The following SLC8A1 variants were observed in gnomAD, a reference collection of about 807,000 sequenced individuals.
SLC8A1 encodes sodium/calcium exchanger 1.
In SLC8A1, 18 loss-of-function variants were observed where a neutral mutation model predicts 68.3. That is an observed-to-expected ratio of 0.26 (90% CI 0.18 to 0.39). The LOEUF (loss-of-function observed/expected upper bound fraction) is 0.39, where lower values mean the gene tolerates loss of function less well. Among genes scored for constraint, SLC8A1 ranks in the 10% least tolerant of loss-of-function variants. The pLI, the probability that SLC8A1 is intolerant of heterozygous loss-of-function variation, is 1.00. For missense variants in SLC8A1, 985 were observed against 1,156.7 expected (o/e 0.85, Z 2.15); for synonymous variants, 475 against 415.5 (o/e 1.14, Z -1.74).
intron 6 of SLC8A1, among the ~76,000 whole-genome samples, chr2:40,141,583 A>C (rs1249319228): frequency 6.6e-6 from 1 of 152,192 alleles, no homozygotes; most frequent in Non-Finnish European, 1.5e-5. Flanking sequence ...TGAGTGAAAA[A>C]GCATTGCTGA....
chr2:40,245,704 C>G (rs1382143229), intron 2 of SLC8A1, among the ~76,000 whole-genome samples: 1 of 151,212 alleles, frequency 6.6e-6, no homozygotes, highest in African/African-American at 2.4e-5. Flanking sequence ...TTAATCATTC[C>G]TTCTCTTGAC....
intron 2 of SLC8A1, among the ~76,000 whole-genome samples, chr2:40,295,218 G>T (rs2070137321): frequency 6.6e-6 from 1 of 152,046 alleles, no homozygotes. Context: ...TCCAGCCTCA[G>T]CCTCTGGAGT....
chr2:40,339,718 G>A (rs1667096063), intron 2 of SLC8A1, among the ~76,000 whole-genome samples: 1 of 152,190 alleles, frequency 6.6e-6, no homozygotes, highest in African/African-American at 2.4e-5. Flanking sequence ...TCTTACTGAT[G>A]AATTGAGGTA....
At chr2:40,358,011 T>A (rs17025881) in intron 2 of SLC8A1, among the ~76,000 whole-genome samples, 2,681 of 149,090 alleles carry the variant, frequency 0.018, 34 homozygotes, top group Middle Eastern at 0.052. Flanking sequence ...AAAATTATTG[T>A]TGCTCAGTGA....
chr2:40,397,089 T>C (rs1196579896), intron 2 of SLC8A1, among the ~76,000 whole-genome samples: 2 of 152,162 alleles, frequency 1.3e-5, no homozygotes, highest in Non-Finnish European at 2.9e-5. Flanking sequence ...TTAATTTTAT[T>C]GAACAGAAAA....
chr2:40,120,874 G>A (rs1366765091), intron 7 of SLC8A1: 1 of 152,186 alleles, frequency 6.6e-6, no homozygotes, highest in East Asian at 1.9e-4. Context: ...TGAAGCCAAG[G>A]TGGCAGACAG....
intron 2 of SLC8A1, among the ~76,000 whole-genome samples, chr2:40,312,986 T>A (rs1023887811): frequency 6.6e-6 from 1 of 152,074 alleles, no homozygotes; most frequent in South Asian, 2.1e-4. Context: ...AAAATATATG[T>A]ATACATATGC....
chr2:40,342,488 A>G (rs1668012291), intron 2 of SLC8A1, among the ~76,000 whole-genome samples: 3 of 143,840 alleles, frequency 2.1e-5, no homozygotes, highest in Non-Finnish European at 4.8e-5. Flanking sequence ...TGAAAAGAAT[A>G]GTAGTAAAAA....
chr2:40,141,233 C>T (rs2041504481), intron 6 of SLC8A1, among the ~76,000 whole-genome samples: 1 of 152,124 alleles, frequency 6.6e-6, no homozygotes, highest in Non-Finnish European at 1.5e-5. Flanking sequence ...TCGTGAGACA[C>T]TCTGTGGTAG....
intron 2 of SLC8A1, among the ~76,000 whole-genome samples, chr2:40,393,110 C>G (rs923344724): frequency 6.6e-6 from 1 of 151,974 alleles, no homozygotes; most frequent in Non-Finnish European, 1.5e-5. Context: ...TGTAAACTGT[C>G]TAATCTATTT....
rs2148316077 is a variant in SLC8A1 at position 40,143,329 on chromosome 2, TCTTTTATGTGACAG to T, written c.2162-3667_2162-3654del. On this transcript the variant is annotated intron_variant, in intron 6 of 7. Coordinates refer to ENST00000406785, the Ensembl canonical transcript of SLC8A1. Reference sequence around the variant, plus strand: ...GAAACATTAAAAAATCCTAGGAGCATCTTTTATGTGACAGCAAAAATGATGGTAGGATGCCTGTT... The same window carrying T: ...GAAACATTAAAAAATCCTAGGAGCATCAAAAATGATGGTAGGATGCCTGTT... Among the ~76,000 whole-genome samples the T allele has an allele frequency of 2.0e-5, 3 of 152,286 alleles. No homozygotes were observed. The South Asian group carries it at 6.2e-4, about 32-fold the overall frequency.
intron 7 of SLC8A1, among the ~76,000 whole-genome samples, chr2:40,136,765 G>C (rs2148260493): frequency 6.6e-6 from 1 of 152,132 alleles, no homozygotes; most frequent in Non-Finnish European, 1.5e-5. Flanking sequence ...GAATCAGCAG[G>C]GTCAAAAAAT....
At chr2:40,271,214 TACTCCTCTCTCACGTCCCCTCCC>T (rs932213388) in intron 2 of SLC8A1, among the ~76,000 whole-genome samples, 2 of 151,208 alleles carry the variant, frequency 1.3e-5, no homozygotes, top group African/African-American at 4.9e-5. Context: ...TCTGGCTCAC[TACTCCTCTCTCACGTCCCCTCCC>T]ACTCCTCTCC....
chr2:40,428,892 A>C, exon 2 of SLC8A1: 1 of 1,613,804 alleles, frequency 6.2e-7, no homozygotes, highest in Non-Finnish European at 8.5e-7. Flanking sequence ...TAAACACCAC[A>C]GTTCCTTCAG....
intron 2 of SLC8A1, among the ~76,000 whole-genome samples, chr2:40,340,914 T>G (rs1473751111): frequency 6.6e-6 from 1 of 152,188 alleles, no homozygotes; most frequent in African/African-American, 2.4e-5. Context: ...ACTAAAGGCT[T>G]TGATTCCTAC....
At chr2:40,485,400 A>G (rs1704897630) in intron 1 of SLC8A1, among the ~76,000 whole-genome samples, 1 of 152,176 alleles carries the variant, frequency 6.6e-6, no homozygotes, top group South Asian at 2.1e-4. Context: ...GATTTGAACA[A>G]GCAGGACTCA....
chr2:40,406,023 T>A (rs1338023374), intron 2 of SLC8A1, among the ~76,000 whole-genome samples: 1 of 152,216 alleles, frequency 6.6e-6, no homozygotes, highest in Non-Finnish European at 1.5e-5. Context: ...ATTCTATACA[T>A]ACAACATCCT....
intron 7 of SLC8A1, among the ~76,000 whole-genome samples, chr2:40,117,456 T>C (rs899592272): frequency 3.4e-5 from 5 of 146,040 alleles, no homozygotes; most frequent in African/African-American, 1.3e-4. Context: ...TCCCAGCTAC[T>C]TGGGAGGCTG....
chr2:40,097,331 T>G (rs1180725897), exon 8 of SLC8A1: 1 of 86,336 alleles, frequency 1.2e-5, no homozygotes, highest in Non-Finnish European at 2.1e-5. Flanking sequence ...AGGAAAACAA[T>G]TAAGACAATG....
Sources: gnomAD v4.1 joint callset for allele counts (sites outside exome capture counted in the v4.1 genomes callset) on GRCh38, gnomAD v4.1.1 for gene constraint, MANE v1.5 for transcripts, NCBI Gene and HGNC (gene_info 2026-07-23, HGNC 2026-07-21) for gene names.